Variants in PLCZ1 observed in about 807,000 individuals in gnomAD.
PLCZ1 encodes 1-phosphatidylinositol 4,5-bisphosphate phosphodiesterase zeta-1.
A neutral mutation model predicts 76.8 loss-of-function variants in PLCZ1; 64 were observed. That is an observed-to-expected ratio of 0.83 (90% CI 0.68 to 1.03). The LOEUF is 1.03. Ranked by LOEUF, PLCZ1 falls within the 50% of genes least tolerant of loss-of-function variation. The pLI is 0.00. For missense variants in PLCZ1, 751 were observed against 713.7 expected (o/e 1.05, Z -0.60); for synonymous variants, 248 against 230.8 (o/e 1.07, Z -0.68).
At chr12:18,679,799 G>A (rs573096612), downstream of PLCZ1, among the ~76,000 whole-genome samples, 27 of 152,036 alleles carry the variant, frequency 1.8e-4, 2 homozygotes, top group South Asian at 5.4e-3. Context: ...TAGAAAAAGG[G>A]CACTTATCCC....
the PLCZ1 span, among the ~76,000 whole-genome samples, chr12:18,666,433 T>C: frequency 2.6e-5 from 4 of 152,200 alleles, no homozygotes; most frequent in South Asian, 2.1e-4. Context: ...GGGGTGGCTA[T>C]ACTAATTTTT....
At chr12:18,668,523 G>A in the PLCZ1 span, among the ~76,000 whole-genome samples, 4 of 152,148 alleles carry the variant, frequency 2.6e-5, no homozygotes, top group African/African-American at 7.2e-5. Flanking sequence ...GAAGCTCCAG[G>A]ACTGCAACCC....
the PLCZ1 span, among the ~76,000 whole-genome samples, chr12:18,656,669 A>G: frequency 6.6e-6 from 1 of 152,128 alleles, no homozygotes; most frequent in African/African-American, 2.4e-5. Context: ...CAGGAGTTCA[A>G]GTTAGCAGTG....
At chr12:18,689,076 G>T (rs1486129577) in intron 12 of PLCZ1, among the ~76,000 whole-genome samples, 1 of 152,124 alleles carries the variant, frequency 6.6e-6, no homozygotes, top group Non-Finnish European at 1.5e-5. Flanking sequence ...CTAGAAGCCA[G>T]TATGACTATG....
intron 5 of PLCZ1, among the ~76,000 whole-genome samples, chr12:18,716,398 C>CCAGCAAAATGTT (rs1293807288): frequency 6.6e-5 from 10 of 152,198 alleles, no homozygotes; most frequent in Admixed American, 2.0e-4. Context: ...GGTTTGGTCA[C>CCAGCAAAATGTT]CAGCAAAATG....
intron 13 of PLCZ1, among the ~76,000 whole-genome samples, chr12:18,686,065 C>T (rs1421557233): frequency 6.6e-6 from 1 of 151,976 alleles, no homozygotes; most frequent in African/African-American, 2.4e-5. Flanking sequence ...GCTAAATCAT[C>T]TTAAAATTCT....
At position 18,734,587 on chromosome 12, in the gene PLCZ1, G is replaced by C. The variant is rs569268929; in HGVS notation, c.135+1634C>G. Reference sequence around the variant, plus strand: ...GCTGGCCTCGAACTCCTGACCTCAGGTGATGCACCTGCCTCAGCCTCCCAA... The same window carrying C: ...GCTGGCCTCGAACTCCTGACCTCAGCTGATGCACCTGCCTCAGCCTCCCAA... On this transcript the variant is annotated intron_variant, in intron 3 of 14. Transcript: ENST00000266505. Among the ~76,000 whole-genome samples, 6 of 152,266 alleles carry C rather than the reference G, an allele frequency of 3.9e-5. No individual in the cohort carries two copies. In the South Asian group the frequency reaches 6.2e-4, roughly 16 times the overall value.
chr12:18,714,785 G>C lies in PLCZ1; in HGVS notation c.570-1799C>G, dbSNP rs1398357794. 8 of 152,168 alleles carry C rather than the reference G, an allele frequency of 5.3e-5. No homozygotes were observed. In the East Asian group the frequency reaches 1.4e-3, roughly 26 times the overall value. 9.4% of individuals were successfully genotyped at this position (152,168 alleles called of 1,614,324 possible). A position where few individuals can be genotyped will look rare whatever the true frequency, so the allele number is the denominator to read the frequency against. On this transcript the variant is annotated intron_variant, in intron 5 of 14. Transcript: ENST00000266505. ...AGAGGTTTGTAACTGGCATCTAGCAGGTAACGGTCACAATGCTGCCAAACA... is the reference window on the plus strand; with the variant it reads ...AGAGGTTTGTAACTGGCATCTAGCACGTAACGGTCACAATGCTGCCAAACA...
At chr12:18,657,676 AC>A in the PLCZ1 span, among the ~76,000 whole-genome samples, 1 of 152,224 alleles carries the variant, frequency 6.6e-6, no homozygotes, top group Non-Finnish European at 1.5e-5. Flanking sequence ...ACAAACAACT[AC>A]TATAATAAGC....
intron 3 of PLCZ1, among the ~76,000 whole-genome samples, chr12:18,734,778 G>A (rs1185394709): frequency 1.3e-5 from 2 of 152,110 alleles, no homozygotes; most frequent in Admixed American, 1.3e-4. Flanking sequence ...TTGACTAATT[G>A]CTTTGGCTAG....
rs186403457 is a variant in PLCZ1, at chr12:18,734,343, T to G, written c.135+1878A>C. ...GAATTTAATAGTTCTAGTAGTTGTT[T>G]TTGTTGTTGTTGTTGTTGTTGTTGT... On this transcript the variant is annotated intron_variant, in intron 3 of 14. Coordinates refer to ENST00000266505, the MANE Select transcript of PLCZ1 (RefSeq NM_033123.4). Among the ~76,000 whole-genome samples, 121 of 151,962 alleles carry G rather than the reference T, an allele frequency of 8.0e-4. 1 individual carries two copies. The highest frequency in any genetic ancestry group is 2.0e-3 in the Admixed American group (31 of 15,240).
chr12:18,650,331 C>CTCTCTCTATA, the PLCZ1 span, among the ~76,000 whole-genome samples: 3 of 91,986 alleles, frequency 3.3e-5, no homozygotes, highest in Non-Finnish European at 6.2e-5. Context: ...CTCTCTCTCT[C>CTCTCTCTATA]TATATATATA....
chr12:18,688,521 G>A (rs541323554), intron 12 of PLCZ1, among the ~76,000 whole-genome samples: 54 of 151,504 alleles, frequency 3.6e-4, no homozygotes, highest in African/African-American at 7.3e-4. Context: ...AATTCAGGTC[G>A]AGTTACTCTG....
intron 12 of PLCZ1, among the ~76,000 whole-genome samples, chr12:18,691,509 A>G (rs1349766740): frequency 6.6e-6 from 1 of 152,146 alleles, no homozygotes; most frequent in East Asian, 1.9e-4. Flanking sequence ...TAACATAAAT[A>G]TCTTAAGGGA....
intron 5 of PLCZ1, among the ~76,000 whole-genome samples, chr12:18,713,508 A>G (rs1957585261): frequency 6.6e-6 from 1 of 152,180 alleles, no homozygotes. Flanking sequence ...AAGCATGACA[A>G]TACTTGCTCT....
At chr12:18,730,016 T>A (rs545873665) in intron 3 of PLCZ1, among the ~76,000 whole-genome samples, 1 of 152,242 alleles carries the variant, frequency 6.6e-6, no homozygotes, top group South Asian at 2.1e-4. Flanking sequence ...CTAGGTATAT[T>A]CATACATAAT....
chr12:18,662,877 T>C, the PLCZ1 span, among the ~76,000 whole-genome samples: 1 of 151,994 alleles, frequency 6.6e-6, no homozygotes, highest in African/African-American at 2.4e-5. Context: ...GAGAAAATAC[T>C]TAAAACATTT....
intron 12 of PLCZ1, chr12:18,693,046 A>C: frequency 6.8e-7 from 1 of 1,469,228 alleles, no homozygotes; most frequent in East Asian, 2.3e-5. Context: ...CCATTAGAAG[A>C]AAAGCAAGAA....
Position 18,737,978 on chromosome 12 carries a change from A to G in PLCZ1, c.-185T>C. The stretch of plus-strand genomic sequence containing the variant: ...AGGAGGCTAAGTTCTTAAAATCTTC[A>G]AAAGAGGTATAGCTGGTTGGCTGGG... On this transcript the variant is annotated 5_prime_UTR_variant, in exon 1 of 15. Transcript: ENST00000266505. 1 of 400,862 alleles carries G rather than the reference A, an allele frequency of 2.5e-6. No homozygotes were observed. The highest frequency in any genetic ancestry group is 5.0e-5 in the South Asian group (1 of 19,848). The allele number at this position is 400,862 out of a possible 1,614,324, so 24.8% of individuals were successfully genotyped here. A position where few individuals can be genotyped will look rare whatever the true frequency, so the allele number is the denominator to read the frequency against.
Sources: allele counts gnomAD v4.1 joint callset (sites outside exome capture counted in the v4.1 genomes callset), GRCh38; gene constraint gnomAD v4.1.1; transcripts MANE v1.5; gene names NCBI Gene and HGNC (gene_info 2026-07-23, HGNC 2026-07-21).